Variants in HEMK2 observed in about 807,000 individuals in gnomAD.
HEMK2 encodes methyltransferase HEMK2.
chr21:28,657,704 T>C, the HEMK2 span, among the ~76,000 whole-genome samples: 1 of 152,054 alleles, frequency 6.6e-6, no homozygotes, highest in African/African-American at 2.4e-5. Context: ...GTACTTCAAC[T>C]CATCCATACT....
the HEMK2 span, among the ~76,000 whole-genome samples, chr21:28,695,788 T>C: frequency 2.8e-5 from 1 of 35,396 alleles, no homozygotes; most frequent in Non-Finnish European, 4.2e-5. Context: ...AAGTAAGTCT[T>C]ACTTAACTCA....
the HEMK2 span, among the ~76,000 whole-genome samples, chr21:28,721,913 C>A: frequency 1.4e-5 from 2 of 143,496 alleles, no homozygotes; most frequent in African/African-American, 5.5e-5. Context: ...CACACACACA[C>A]ACACACACAC....
chr21:28,709,523 G>A, the HEMK2 span, among the ~76,000 whole-genome samples: 1 of 152,002 alleles, frequency 6.6e-6, no homozygotes, highest in Non-Finnish European at 1.5e-5. Context: ...ATGTCCCTTG[G>A]TGCTGTCAGA....
the HEMK2 span, among the ~76,000 whole-genome samples, chr21:28,733,371 C>T: frequency 5.3e-5 from 8 of 152,198 alleles, no homozygotes; most frequent in African/African-American, 1.7e-4. Flanking sequence ...CTGTTTGTAG[C>T]AGAATTCCTC....
chr21:28,769,471 C>A, the HEMK2 span, among the ~76,000 whole-genome samples: 3 of 151,994 alleles, frequency 2.0e-5, no homozygotes, highest in Admixed American at 2.0e-4. Context: ...CAGATATATG[C>A]CCTGGGAGAC....
the HEMK2 span, among the ~76,000 whole-genome samples, chr21:28,686,392 G>A: frequency 2.6e-5 from 4 of 151,810 alleles, no homozygotes; most frequent in Admixed American, 6.6e-5. Flanking sequence ...CCACCACTGT[G>A]CCCGGCTAAT....
At chr21:28,861,974 C>G in the HEMK2 span, among the ~76,000 whole-genome samples, 15 of 152,242 alleles carry the variant, frequency 9.9e-5, no homozygotes, top group Middle Eastern at 3.4e-3. Flanking sequence ...CACAACAATT[C>G]CATTAAACTG....
the HEMK2 span, among the ~76,000 whole-genome samples, chr21:28,614,558 C>T: frequency 1.3e-5 from 2 of 152,222 alleles, no homozygotes; most frequent in Non-Finnish European, 1.5e-5. Context: ...CTTGAGACTT[C>T]GCCATTTTCT....
At chr21:28,591,904 A>C in the HEMK2 span, among the ~76,000 whole-genome samples, 1 of 152,132 alleles carries the variant, frequency 6.6e-6, no homozygotes, top group Non-Finnish European at 1.5e-5. Flanking sequence ...CAGCTGCATA[A>C]TGTTGCATGG....
chr21:28,751,344 A>G, the HEMK2 span, among the ~76,000 whole-genome samples: 2 of 152,184 alleles, frequency 1.3e-5, no homozygotes, highest in Non-Finnish European at 2.9e-5. Context: ...AACTGCATGA[A>G]TTCTTCCTAA....
the HEMK2 span, among the ~76,000 whole-genome samples, chr21:28,670,212 C>T: frequency 6.6e-6 from 1 of 152,026 alleles, no homozygotes; most frequent in Admixed American, 6.6e-5. Context: ...CAAAAATATA[C>T]TTTCTTAAAC....
At chr21:28,728,466 A>T in the HEMK2 span, among the ~76,000 whole-genome samples, 1 of 150,104 alleles carries the variant, frequency 6.7e-6, no homozygotes, top group Non-Finnish European at 1.5e-5. Context: ...TCAAGTGGTT[A>T]TGTTTGCCCA....
the HEMK2 span, among the ~76,000 whole-genome samples, chr21:28,735,295 G>A: frequency 7.9e-5 from 12 of 152,138 alleles, no homozygotes; most frequent in African/African-American, 2.9e-4. Context: ...CTGAAATTGT[G>A]GTGTCACCTG....
At chr21:28,663,521 G>A in the HEMK2 span, among the ~76,000 whole-genome samples, 1 of 152,376 alleles carries the variant, frequency 6.6e-6, no homozygotes, top group Non-Finnish European at 1.5e-5. Context: ...GTGGACAAAA[G>A]GGGCTCTGCA....
chr21:28,714,017 C>T, the HEMK2 span, among the ~76,000 whole-genome samples: 878 of 152,286 alleles, frequency 5.8e-3, 7 homozygotes, highest in African/African-American at 0.02. Flanking sequence ...CTTGAGCAGA[C>T]GCTCCTGACC....
the HEMK2 span, among the ~76,000 whole-genome samples, chr21:28,718,810 G>A: frequency 3.2e-4 from 48 of 152,026 alleles, no homozygotes; most frequent in African/African-American, 1.1e-3. Flanking sequence ...GAGATAAAAG[G>A]TGAGGTCCTA....
chr21:28,776,921 C>T, the HEMK2 span, among the ~76,000 whole-genome samples: 4 of 152,174 alleles, frequency 2.6e-5, no homozygotes, highest in African/African-American at 9.7e-5. Flanking sequence ...CCTGCCTCTC[C>T]CAGGCCACTG....
chr21:28,669,570 C>A, the HEMK2 span, among the ~76,000 whole-genome samples: 1 of 152,148 alleles, frequency 6.6e-6, no homozygotes, highest in East Asian at 1.9e-4. Context: ...TTCCTGCTTA[C>A]CCTCTTGATC....
the HEMK2 span, among the ~76,000 whole-genome samples, chr21:28,760,576 A>T: frequency 6.6e-6 from 1 of 152,218 alleles, no homozygotes; most frequent in East Asian, 1.9e-4. Flanking sequence ...GTTACAAAAT[A>T]ATATCCAATA....
Sources: gnomAD v4.1 joint callset for allele counts (sites outside exome capture counted in the v4.1 genomes callset) on GRCh38, gnomAD v4.1.1 for gene constraint, MANE v1.5 for transcripts, NCBI Gene and HGNC (gene_info 2026-07-23, HGNC 2026-07-21) for gene names.